Variants in MAD1L1 observed in about 807,000 individuals in gnomAD.
MAD1L1 encodes the protein mitotic spindle assembly checkpoint protein MAD1.
Under a neutral mutation model 96.9 loss-of-function variants are expected in MAD1L1, and 95 were observed. The ratio of observed to expected loss-of-function variants is 0.98; its 90% CI spans 0.83 to 1.16. The LOEUF (loss-of-function observed/expected upper bound fraction) is 1.16. Ranked by LOEUF, MAD1L1 falls within the 50% of genes most tolerant of loss-of-function variation. The pLI is 0.00. For missense variants in MAD1L1, 1,007 were observed against 954.4 expected, an observed-to-expected ratio of 1.06 and a Z score of -0.73; for synonymous variants, 473 against 396.6, an observed-to-expected ratio of 1.19 and a Z score of -2.29.
At chr7:1,831,436 C>G (rs376704580) in intron 18 of MAD1L1, among the ~76,000 whole-genome samples, 1 of 151,704 alleles carries the variant, frequency 6.6e-6, no homozygotes, top group Admixed American at 6.6e-5. Flanking sequence ...TCCTGAGACA[C>G]GACCGTCACA....
chr7:2,143,402 G>A (rs763308135), intron 11 of MAD1L1, among the ~76,000 whole-genome samples: 9 of 150,868 alleles, frequency 6.0e-5, no homozygotes, highest in Admixed American at 1.3e-4. Context: ...GCCTTGTTAC[G>A]TCCTTGAGAG....
At chr7:2,013,452 C>T (rs907505422) in intron 13 of MAD1L1, among the ~76,000 whole-genome samples, 3 of 152,212 alleles carry the variant, frequency 2.0e-5, no homozygotes, top group Admixed American at 1.3e-4. Context: ...TGTGGCCTGG[C>T]GGTGTCACAC....
intron 15 of MAD1L1, among the ~76,000 whole-genome samples, chr7:1,973,985 G>A (rs541675017): frequency 4.6e-5 from 7 of 152,352 alleles, no homozygotes; most frequent in African/African-American, 9.6e-5. Context: ...GCTGCTGGGC[G>A]GGGACAGGGC....
rs188591142 is a variant in MAD1L1 at position 1,854,951 on chromosome 7, T to C, written c.1999-38723A>G. Among the ~76,000 whole-genome samples the C allele has an allele frequency of 4.1e-3, 630 of 152,336 alleles. 6 individuals carry two copies. The highest frequency in any genetic ancestry group is 0.014 in the African/African-American group (598 of 41,586). ...CCTGAGAGCTGCCGCTGTGGCTCCA[T>C]GCTCCACCTCTCGTCCACTGGGGAG... On this transcript the variant is annotated intron_variant, in intron 18 of 18. Coordinates refer to ENST00000265854, the MANE Select transcript of MAD1L1 (RefSeq NM_001013836.2).
chr7:2,079,598 C>T (rs940238866), intron 11 of MAD1L1: 3 of 470,004 alleles, frequency 6.4e-6, no homozygotes, highest in African/African-American at 6.0e-5. Flanking sequence ...GGCAAATACT[C>T]TCATCTGACC....
At chr7:1,852,892 A>G (rs1784051462) in intron 18 of MAD1L1, among the ~76,000 whole-genome samples, 1 of 152,018 alleles carries the variant, frequency 6.6e-6, no homozygotes, top group African/African-American at 2.4e-5. Context: ...GCCTCCGAGG[A>G]CGGGCCGCTG....
At chr7:1,898,128 C>A in intron 18 of MAD1L1, 72 bp downstream of exon 18, 1 of 1,481,634 alleles carries the variant, frequency 6.7e-7, no homozygotes, top group East Asian at 2.5e-5. Flanking sequence ...TTGCTGAGGG[C>A]TACGGTCGGA....
At chr7:2,106,948 C>T (rs1187539176) in intron 11 of MAD1L1, among the ~76,000 whole-genome samples, 2 of 152,124 alleles carry the variant, frequency 1.3e-5, no homozygotes, top group East Asian at 3.9e-4. Flanking sequence ...GGCCCAGTCC[C>T]CTAGAGGAGC....
intron 18 of MAD1L1, among the ~76,000 whole-genome samples, chr7:1,888,537 TGTGC>T (rs1369006054): frequency 9.1e-5 from 8 of 87,828 alleles, no homozygotes; most frequent in African/African-American, 2.5e-4. Context: ...TGTGGTTGCC[TGTGC>T]GTGTGTGTGA....
At chr7:2,217,368 A>G (rs540203178) in intron 7 of MAD1L1, among the ~76,000 whole-genome samples, 19 of 152,246 alleles carry the variant, frequency 1.2e-4, no homozygotes, top group African/African-American at 4.3e-4. Flanking sequence ...GGGGCCAGGG[A>G]CCACCACCAG....
chr7:2,095,672 C>A (rs530503490), intron 11 of MAD1L1, among the ~76,000 whole-genome samples: 2 of 152,206 alleles, frequency 1.3e-5, no homozygotes, highest in Admixed American at 1.3e-4. Context: ...CTCCCTGAGC[C>A]GCTGTCATCA....
intron 11 of MAD1L1, among the ~76,000 whole-genome samples, chr7:2,100,897 C>G (rs73038446): frequency 6.6e-6 from 1 of 152,352 alleles, no homozygotes; most frequent in East Asian, 1.9e-4. Context: ...GCCTCCAGTG[C>G]CCCCCACCTC....
chr7:1,920,044 C>T (rs534321642), intron 17 of MAD1L1, among the ~76,000 whole-genome samples: 19 of 152,154 alleles, frequency 1.2e-4, no homozygotes, highest in Admixed American at 1.0e-3. Context: ...CCCAGGAGGG[C>T]GCACAGCAGG....
At chr7:1,943,313 G>A (rs1422534292) in intron 16 of MAD1L1, among the ~76,000 whole-genome samples, 3 of 152,184 alleles carry the variant, frequency 2.0e-5, no homozygotes, top group Non-Finnish European at 4.4e-5. Context: ...GCCAGTGACA[G>A]GCAAAAACAA....
chr7:2,055,154 A>G (rs1028512250), intron 12 of MAD1L1, among the ~76,000 whole-genome samples: 1 of 152,176 alleles, frequency 6.6e-6, no homozygotes, highest in African/African-American at 2.4e-5. Flanking sequence ...GGTGCGTGCC[A>G]CGACAGCACC....
intron 10 of MAD1L1, among the ~76,000 whole-genome samples, chr7:2,198,144 T>G (rs534054528): frequency 6.6e-6 from 1 of 151,530 alleles, no homozygotes; most frequent in South Asian, 2.1e-4. Context: ...AAAATAGAGA[T>G]AGGGTCTCAC....
At chr7:1,957,166 T>A (rs1779762353) in intron 16 of MAD1L1, among the ~76,000 whole-genome samples, 1 of 152,214 alleles carries the variant, frequency 6.6e-6, no homozygotes, top group Non-Finnish European at 1.5e-5. Context: ...CGTCAGAAAC[T>A]GGTCATAAAA....
At chr7:1,878,259 T>G (rs188288450) in intron 18 of MAD1L1, among the ~76,000 whole-genome samples, 9 of 152,024 alleles carry the variant, frequency 5.9e-5, no homozygotes, top group Admixed American at 5.9e-4. Context: ...AAGAAATATC[T>G]CACACAAATT....
chr7:1,886,905 C>T (rs1786069550), intron 18 of MAD1L1, among the ~76,000 whole-genome samples: 1 of 152,282 alleles, frequency 6.6e-6, no homozygotes, highest in Admixed American at 6.5e-5. Flanking sequence ...AGCCGGACTC[C>T]AGAAGGTGGT....
Sources: gnomAD v4.1 joint callset for allele counts (sites outside exome capture counted in the v4.1 genomes callset) on GRCh38, gnomAD v4.1.1 for gene constraint, MANE v1.5 for transcripts, NCBI Gene and HGNC (gene_info 2026-07-23, HGNC 2026-07-21) for gene names.